The following TEX14 variants were observed in gnomAD, a reference collection of about 807,000 sequenced individuals.
TEX14 encodes the protein inactive serine/threonine-protein kinase TEX14.
In TEX14, 168 loss-of-function variants were observed where a neutral mutation model predicts 178.6. The observed-to-expected ratio is 0.94, with a 90% CI of 0.83 to 1.07. The LOEUF is 1.07. Ranked by LOEUF, TEX14 falls within the 50% of genes least tolerant of loss-of-function variation. The pLI is 0.00. For synonymous variants in TEX14, 626 were observed against 634.1 expected (o/e 0.99, Z 0.19); for missense variants, 1,730 against 1,753.6 (o/e 0.99, Z 0.24).
chr17:58,628,555 A>G (rs947341355), intron 3 of TEX14, among the ~76,000 whole-genome samples: 7 of 152,196 alleles, frequency 4.6e-5, no homozygotes, highest in Non-Finnish European at 1.0e-4. Flanking sequence ...TACTAAAAAT[A>G]TAAAACATTA....
intron 2 of TEX14, among the ~76,000 whole-genome samples, chr17:58,651,330 T>C (rs2046835817): frequency 6.6e-6 from 1 of 152,154 alleles, no homozygotes; most frequent in African/African-American, 2.4e-5. Flanking sequence ...TGTTTGTATA[T>C]GGGTTTTTGT....
At chr17:58,635,772 C>T (rs547977763) in intron 2 of TEX14, among the ~76,000 whole-genome samples, 1 of 151,906 alleles carries the variant, frequency 6.6e-6, no homozygotes, top group East Asian at 1.9e-4. Context: ...GTCTCTGTCG[C>T]CTAGGCTGGA....
chr17:58,569,194 A>G lies in TEX14; in HGVS notation c.3884T>C (p.Ile1295Thr), dbSNP rs754056545. The G allele has an allele frequency of 3.1e-6, 5 of 1,613,270 alleles. No individual in the cohort carries two copies. In the South Asian group the frequency reaches 4.4e-5, roughly 14 times the overall value. The change falls in exon 26 of 32, where the codon ATT becomes ACT. Residue 1295 changes from isoleucine (I) to threonine (T), a missense_variant and splice_region_variant. Coordinates refer to ENST00000349033, the MANE Select transcript of TEX14 (RefSeq NM_031272.5). The surrounding 1 kb of genome is among the most constrained non-coding windows in gnomAD (Gnocchi z 4.1). Reference protein sequence around the residue: ...PPPSQELLDDIELLKQQQGSS... With the variant: ...PPPSQELLDDTELLKQQQGSS... The stretch of plus-strand genomic sequence containing the variant: ...ATTCTGTATTGAACATCTCTTACCA[A>G]TGTCATCAAGTAGCTCCTGAGATGG...
At chr17:58,680,528 G>A (rs1019057508) in intron 1 of TEX14, among the ~76,000 whole-genome samples, 10 of 152,096 alleles carry the variant, frequency 6.6e-5, no homozygotes, top group African/African-American at 2.4e-4. Flanking sequence ...GATCACTTGA[G>A]GTCAGGAATT....
chr17:58,638,591 T>G (rs558143776), intron 2 of TEX14, among the ~76,000 whole-genome samples: 1 of 152,232 alleles, frequency 6.6e-6, no homozygotes, highest in South Asian at 2.1e-4. Flanking sequence ...CAGGCTGGAG[T>G]GCAGTGGTGC....
At chr17:58,621,859 T>A in intron 4 of TEX14, 73 bp from the exon 5 acceptor site, 1 of 1,508,888 alleles carries the variant, frequency 6.6e-7, no homozygotes, top group African/African-American at 1.4e-5. Flanking sequence ...GGTATGAAGA[T>A]AAGTGGTCCG....
intron 1 of TEX14, among the ~76,000 whole-genome samples, chr17:58,672,667 A>T (rs2047322899): frequency 6.6e-6 from 1 of 151,528 alleles, no homozygotes; most frequent in Non-Finnish European, 1.5e-5. Flanking sequence ...CTGGCCTCGA[A>T]CTCCTTGGCC....
intron 17 of TEX14, among the ~76,000 whole-genome samples, chr17:58,586,642 T>C (rs2044982043): frequency 1.3e-5 from 2 of 152,080 alleles, no homozygotes; most frequent in Non-Finnish European, 2.9e-5. Context: ...CACTGCATAC[T>C]CTCCACTTTT....
At chr17:58,608,711 A>C (rs922105972) in intron 10 of TEX14, among the ~76,000 whole-genome samples, 3 of 152,260 alleles carry the variant, frequency 2.0e-5, no homozygotes, top group Admixed American at 6.5e-5. Flanking sequence ...ATGTGAGAAG[A>C]GGAATATGCA....
At chr17:58,601,605 AAT>A (rs921144237) in intron 13 of TEX14, among the ~76,000 whole-genome samples, 199 bp downstream of exon 13, 7 of 152,108 alleles carry the variant, frequency 4.6e-5, no homozygotes, top group Non-Finnish European at 7.4e-5. Context: ...GAGGCATGAG[AAT>A]CACTTGAACC....
chr17:58,685,790 A>G (rs796747280), intron 1 of TEX14, among the ~76,000 whole-genome samples: 1 of 151,532 alleles, frequency 6.6e-6, no homozygotes, highest in African/African-American at 2.4e-5. Context: ...TCAGGAGTTC[A>G]AGATCAGCCT....
intron 14 of TEX14, 146 bp from the exon 15 acceptor site, chr17:58,593,807 T>A: frequency 1.5e-6 from 1 of 675,840 alleles, no homozygotes; most frequent in Non-Finnish European, 2.5e-6. Context: ...TCCTATCTGC[T>A]AACCCATCTC....
At chr17:58,630,952 G>C (rs2046272831) in intron 2 of TEX14, among the ~76,000 whole-genome samples, 1 of 151,972 alleles carries the variant, frequency 6.6e-6, no homozygotes, top group Admixed American at 6.6e-5. Context: ...AAAGTGTAAA[G>C]ACTAATTCGA....
At chr17:58,655,875 A>G (rs1457345726) in intron 1 of TEX14, among the ~76,000 whole-genome samples, 2 of 152,172 alleles carry the variant, frequency 1.3e-5, no homozygotes, top group Non-Finnish European at 2.9e-5. Context: ...ATTATTCCCA[A>G]GCATAATCCA....
At chr17:58,635,420 G>A (rs1314660877) in intron 2 of TEX14, among the ~76,000 whole-genome samples, 1 of 150,096 alleles carries the variant, frequency 6.7e-6, no homozygotes, top group Non-Finnish European at 1.5e-5. Flanking sequence ...GCCTCCAAGG[G>A]CTTCTCTCTT....
intron 22 of TEX14, among the ~76,000 whole-genome samples, chr17:58,573,922 G>A (rs1056238393): frequency 6.6e-6 from 1 of 151,848 alleles, no homozygotes; most frequent in Non-Finnish European, 1.5e-5. Context: ...GGATATTTAC[G>A]TGGAAAACAG....
At chr17:58,570,541 T>A in intron 24 of TEX14, 57 bp from the exon 25 acceptor site, 1 of 1,228,944 alleles carries the variant, frequency 8.1e-7, no homozygotes. Context: ...AAAAGGCATA[T>A]GCAGCTCAGT....
In TEX14 at chr17:58,649,866, A is replaced by G. The variant is rs372168141; in HGVS notation, c.136+2000T>C. Among the ~76,000 whole-genome samples, 112 of 152,022 alleles carry G rather than the reference A, an allele frequency of 7.4e-4. 2 individuals carry two copies. In the South Asian group the frequency reaches 0.023, roughly 31 times the overall value. On this transcript the variant is annotated intron_variant, in intron 2 of 31. Coordinates refer to ENST00000349033, the MANE Select transcript of TEX14 (RefSeq NM_031272.5). ...GTGATTCTCCTGCCTCGGCCTCCCC[A>G]GTAGCTGGGACTACAGGTGCCCACC...
chr17:58,635,186 G>A (rs1193706509), intron 2 of TEX14, among the ~76,000 whole-genome samples: 1 of 151,738 alleles, frequency 6.6e-6, no homozygotes, highest in East Asian at 1.9e-4. Flanking sequence ...TACTGCTGTT[G>A]CTATGAGTAA....
Sources: allele counts gnomAD v4.1 joint callset (sites outside exome capture counted in the v4.1 genomes callset), GRCh38; gene constraint gnomAD v4.1.1; non-coding constraint Gnocchi (gnomAD v3.1); transcripts MANE v1.5; gene names NCBI Gene and HGNC (gene_info 2026-07-23, HGNC 2026-07-21).